The following WIF1 variants were observed in gnomAD, a reference collection of about 807,000 sequenced individuals.
WIF1 encodes Wnt inhibitory factor 1.
WIF1 carries 35 observed loss-of-function variants against 53.5 expected under a neutral mutation model. That is an observed-to-expected ratio of 0.65 (90% CI 0.50 to 0.87). WIF1 has a LOEUF of 0.87. WIF1 is among the 40% of genes least tolerant of loss of function. WIF1 has a pLI of 0.00. For synonymous variants in WIF1, 171 were observed against 170.4 expected, an observed-to-expected ratio of 1.00 and a Z score of -0.03; for missense variants, 467 against 476.8, an observed-to-expected ratio of 0.98 and a Z score of 0.19.
intron 7 of WIF1, among the ~76,000 whole-genome samples, chr12:65,059,816 TA>T (rs1882583834): frequency 6.6e-6 from 1 of 152,072 alleles, no homozygotes; most frequent in Admixed American, 6.6e-5. Context: ...CATGCCTGGC[TA>T]ATTTTTGTGT....
At chr12:65,051,885 C>T (rs934085788) in intron 9 of WIF1, among the ~76,000 whole-genome samples, 1 of 152,186 alleles carries the variant, frequency 6.6e-6, no homozygotes, top group Non-Finnish European at 1.5e-5. Context: ...TATGACAACC[C>T]GACTCTTCAT....
intron 8 of WIF1, among the ~76,000 whole-genome samples, chr12:65,055,722 C>T (rs1882513967): frequency 6.6e-6 from 1 of 152,216 alleles, no homozygotes; most frequent in Non-Finnish European, 1.5e-5. Flanking sequence ...TTTCAATGGG[C>T]CTAGATCGCG....
intron 2 of WIF1, among the ~76,000 whole-genome samples, chr12:65,099,897 T>C (rs1883255017): frequency 6.6e-6 from 1 of 152,182 alleles, no homozygotes; most frequent in Admixed American, 6.5e-5. Context: ...TTAATCCCAC[T>C]CTACTTTGTC....
chr12:65,061,887 AAAAGATGG>A (rs1463214018), intron 7 of WIF1, among the ~76,000 whole-genome samples: 1 of 152,228 alleles, frequency 6.6e-6, no homozygotes, highest in African/African-American at 2.4e-5. Context: ...TTGAACTTCA[AAAAGATGG>A]GATCATGCAG....
intron 2 of WIF1, among the ~76,000 whole-genome samples, chr12:65,104,220 A>AT (rs1268016352): frequency 1.3e-5 from 2 of 152,208 alleles, no homozygotes; most frequent in African/African-American, 4.8e-5. Flanking sequence ...AAATTCAAGC[A>AT]TTTTGACCTA....
At chr12:65,106,600 C>T (rs897696711) in intron 2 of WIF1, among the ~76,000 whole-genome samples, 9 of 152,028 alleles carry the variant, frequency 5.9e-5, no homozygotes, top group Non-Finnish European at 1.5e-5. Flanking sequence ...CCTGCCTCAG[C>T]CTCCCAAAGT....
intron 3 of WIF1, among the ~76,000 whole-genome samples, chr12:65,077,368 C>G (rs976740463): frequency 3.3e-4 from 2 of 6,150 alleles, no homozygotes; most frequent in African/African-American, 5.7e-4. Context: ...CTTGACTTAT[C>G]CCATTTGCCC....
chr12:65,069,852 A>G (rs754938759), intron 3 of WIF1, among the ~76,000 whole-genome samples: 3 of 152,194 alleles, frequency 2.0e-5, no homozygotes, highest in East Asian at 1.9e-4. Flanking sequence ...CCAACACCCA[A>G]TGGGTTATTA....
chr12:65,081,808 T>C (rs1282768820), intron 2 of WIF1, among the ~76,000 whole-genome samples: 1 of 152,024 alleles, frequency 6.6e-6, no homozygotes, highest in Non-Finnish European at 1.5e-5. Context: ...TTGTCTGTGG[T>C]TTTCATTGCC....
intron 7 of WIF1, among the ~76,000 whole-genome samples, chr12:65,056,710 C>T (rs1882534688): frequency 6.6e-6 from 1 of 151,998 alleles, no homozygotes; most frequent in Non-Finnish European, 1.5e-5. Flanking sequence ...AGTGCAGTGG[C>T]AGGATCTCGG....
intron 2 of WIF1, among the ~76,000 whole-genome samples, chr12:65,099,689 C>T (rs1592400974): frequency 6.6e-6 from 1 of 152,172 alleles, no homozygotes; most frequent in East Asian, 1.9e-4. Context: ...CCTCTTCTTC[C>T]TCTTGGATAT....
chr12:65,067,261 CT>C (rs1882700263), intron 5 of WIF1, among the ~76,000 whole-genome samples: 1 of 151,972 alleles, frequency 6.6e-6, no homozygotes, highest in Admixed American at 6.6e-5. Flanking sequence ...TTGCTTATGT[CT>C]TTTTTCATTT....
intron 4 of WIF1, 56 bp from the exon 5 acceptor site, chr12:65,067,846 A>C: frequency 6.7e-7 from 1 of 1,491,382 alleles, no homozygotes; most frequent in Non-Finnish European, 9.3e-7. Flanking sequence ...TGTTGGGTGA[A>C]TCACAGCCAG....
At position 65,102,599 on chromosome 12, in the gene WIF1, G is replaced by A. The variant is rs146548579; in HGVS notation, c.288+17818C>T. Among the ~76,000 whole-genome samples, 159 of 152,288 alleles carry A rather than the reference G, an allele frequency of 1.0e-3. 1 individual carries two copies. Among genetic ancestry groups the A allele is most frequent in the African/African-American group, 3.5e-3 (146 of 41,554 alleles). On this transcript the variant is annotated intron_variant, in intron 2 of 9. Coordinates refer to ENST00000286574, the MANE Select transcript of WIF1 (RefSeq NM_007191.5). ...ACAGAATAATGTATGTGACCAAATT[G>A]TCTGGGCACCCCAAGGCCCAATCAA...
chr12:65,120,924 G>A, intron 1 of WIF1, 120 bp downstream of exon 1: 3 of 1,228,890 alleles, frequency 2.4e-6, no homozygotes, highest in Non-Finnish European at 3.2e-6. Flanking sequence ...ATTAAAAGAG[G>A]GGAACACTCT....
intron 2 of WIF1, among the ~76,000 whole-genome samples, chr12:65,085,021 G>T (rs1883014151): frequency 6.6e-6 from 1 of 152,154 alleles, no homozygotes; most frequent in African/African-American, 2.4e-5. Context: ...TTGGCAATGA[G>T]GCTCCCAGAA....
In WIF1 at chr12:65,075,954, C is replaced by T. The variant is rs144009278; in HGVS notation, c.397+1792G>A. Among the ~76,000 whole-genome samples, 502 of 152,190 alleles carry T rather than the reference C, an allele frequency of 3.3e-3. 5 individuals are homozygous for T. Among genetic ancestry groups the T allele is most frequent in the African/African-American group, 0.012 (478 of 41,522 alleles). ...CACATTTTTCATGGTCTAATAGATACAAGAAAATATTTTCTACCTTAATAG... is the reference window on the plus strand; with the variant it reads ...CACATTTTTCATGGTCTAATAGATATAAGAAAATATTTTCTACCTTAATAG... On this transcript the variant is annotated intron_variant, in intron 3 of 9. Transcript: ENST00000286574.
At chr12:65,100,652 C>T (rs1883268965) in intron 2 of WIF1, among the ~76,000 whole-genome samples, 1 of 152,072 alleles carries the variant, frequency 6.6e-6, no homozygotes, top group Non-Finnish European at 1.5e-5. Context: ...AAGTTTTACG[C>T]ATCAAGTTGT....
rs1882709672 is a variant in WIF1, at chr12:65,067,746, T to C, written c.583A>G (p.Arg195Gly). ...GCRNGGFCNE[R>G]RICECPDGFH... ...CCATCAGGACACTCGCAGATGCGTC[T>C]TTCATTACAAAAGCCTCCATTTCGG... Residue 195 changes from arginine to glycine, a missense_variant, in exon 5 of 10, where the codon AGA becomes GGA. Physicochemically the swap from Arg to Gly is moderately radical, Grantham distance 125. Coordinates refer to ENST00000286574, the MANE Select transcript of WIF1 (RefSeq NM_007191.5). The C allele has an allele frequency of 1.9e-6, 3 of 1,613,410 alleles. No individual in the cohort carries two copies. The highest frequency in any genetic ancestry group is 1.7e-4 in the Middle Eastern group (1 of 6,052).
Sources: allele counts gnomAD v4.1 joint callset (sites outside exome capture counted in the v4.1 genomes callset), GRCh38; gene constraint gnomAD v4.1.1; transcripts MANE v1.5; gene names NCBI Gene and HGNC (gene_info 2026-07-23, HGNC 2026-07-21).